Variants in RBFOX3 observed in about 807,000 individuals in gnomAD.
The protein encoded by RBFOX3 is RNA binding fox-1 homolog 3.
In RBFOX3, 17 loss-of-function variants were observed where a neutral mutation model predicts 48.7. That is an observed-to-expected ratio of 0.35 (90% CI 0.24 to 0.52). The LOEUF (loss-of-function observed/expected upper bound fraction) is 0.52, where lower values mean the gene tolerates loss of function less well. Among genes scored for constraint, RBFOX3 ranks in the 20% least tolerant of loss-of-function variants. The pLI is 0.94. For missense variants in RBFOX3, 382 were observed against 497.5 expected (o/e 0.77, Z 2.21); for synonymous variants, 212 against 209.5 (o/e 1.01, Z -0.10).
Position 79,443,370 on chromosome 17 carries a change from A to C in RBFOX3, c.-175+39084T>G, listed in dbSNP as rs2071550102. 6.6e-6 allele frequency among the ~76,000 whole-genome samples: 1 copy of C among 151,432 alleles called. No individual in the cohort carries two copies. Among genetic ancestry groups the C allele is most frequent in the African/African-American group, 2.4e-5 (1 of 41,228 alleles). On this transcript the variant is annotated intron_variant, in intron 2 of 14. Coordinates refer to ENST00000693108, the MANE Select transcript of RBFOX3 (RefSeq NM_001350451.2). This position sits in a 1 kb window ranked among gnomAD's most constrained non-coding sequence, Gnocchi z 4.4. ...CTTAGACACACACAAATGCACACTCACATACACCCTTGCCTCTTTTTTTTT... is the reference window on the plus strand; with the variant it reads ...CTTAGACACACACAAATGCACACTCCCATACACCCTTGCCTCTTTTTTTTT...
intron 2 of RBFOX3, among the ~76,000 whole-genome samples, chr17:79,313,865 C>A (rs1307127857): frequency 6.6e-6 from 1 of 152,228 alleles, no homozygotes; most frequent in Non-Finnish European, 1.5e-5. Context: ...CCCTGCTTGT[C>A]CTCCCACCTC....
intron 4 of RBFOX3, among the ~76,000 whole-genome samples, chr17:79,226,717 C>G (rs2060349856): frequency 6.6e-6 from 1 of 152,218 alleles, no homozygotes. Flanking sequence ...GCAACATCTA[C>G]CTTCCTGGGG....
At chr17:79,165,198 T>C (rs1016054615) in intron 4 of RBFOX3, among the ~76,000 whole-genome samples, 4 of 152,034 alleles carry the variant, frequency 2.6e-5, no homozygotes, top group Non-Finnish European at 5.9e-5. Context: ...GGCTTCCACC[T>C]CCCAGGCTGC....
In RBFOX3 at chr17:79,214,227, G is replaced by A. The variant is rs975405939; in HGVS notation, c.-34+21539C>T. On this transcript the variant is annotated intron_variant, in intron 4 of 14. Transcript: ENST00000693108. This position sits in a 1 kb window ranked among gnomAD's most constrained non-coding sequence, Gnocchi z 4.7. ...TGATAAAGTCGGCCTCTCCAGCAAC[G>A]CACGGAGCTATCTCACTTACAACGT... Among the ~76,000 whole-genome samples, 3 of 152,266 alleles carry A rather than the reference G, an allele frequency of 2.0e-5. No individual in the cohort carries two copies. The highest frequency in any genetic ancestry group is 4.4e-5 in the Non-Finnish European group (3 of 68,026).
At chr17:79,396,447 C>T (rs147015480) in intron 2 of RBFOX3, among the ~76,000 whole-genome samples, 2 of 152,314 alleles carry the variant, frequency 1.3e-5, no homozygotes, top group East Asian at 3.9e-4. Flanking sequence ...CTGAAATAAA[C>T]CTCTGTCTTC....
chr17:79,634,698 C>T, the RBFOX3 span, among the ~76,000 whole-genome samples: 2 of 152,282 alleles, frequency 1.3e-5, no homozygotes, highest in Middle Eastern at 6.8e-3. Context: ...AGTGTCTTGG[C>T]TGCACACAGA....
chr17:79,136,678 G>A (rs1351778879), intron 4 of RBFOX3, among the ~76,000 whole-genome samples: 1 of 152,166 alleles, frequency 6.6e-6, no homozygotes, highest in Non-Finnish European at 1.5e-5. Flanking sequence ...CCGGGAACCT[G>A]CTGATCCTCA....
intron 2 of RBFOX3, among the ~76,000 whole-genome samples, chr17:79,444,709 C>G (rs191554537): frequency 1.3e-3 from 195 of 152,158 alleles, no homozygotes; most frequent in Middle Eastern, 3.4e-3. Context: ...TTGCTCCAAA[C>G]TAAACTGTGG....
chr17:79,206,874 C>T (rs2057572150), intron 4 of RBFOX3, among the ~76,000 whole-genome samples: 1 of 152,200 alleles, frequency 6.6e-6, no homozygotes, highest in South Asian at 2.1e-4. Flanking sequence ...GGAACCACTC[C>T]CCATCTCATT....
chr17:79,662,883 G>A, the RBFOX3 span, among the ~76,000 whole-genome samples: 5 of 152,034 alleles, frequency 3.3e-5, no homozygotes, highest in South Asian at 2.1e-4. Flanking sequence ...CAATCCAGCC[G>A]GCTGTTCACT....
chr17:79,568,542 T>A (rs940979508), intron 1 of RBFOX3, among the ~76,000 whole-genome samples: 11 of 152,112 alleles, frequency 7.2e-5, no homozygotes, highest in Admixed American at 4.6e-4. Flanking sequence ...GTAGGCAAAC[T>A]TCTGCTGGTT....
intron 1 of RBFOX3, among the ~76,000 whole-genome samples, chr17:79,512,942 G>C (rs1247646920): frequency 8.4e-5 from 12 of 143,070 alleles, no homozygotes; most frequent in African/African-American, 2.7e-4. Flanking sequence ...TTACCATCGG[G>C]TACAGCCCCA....
chr17:79,591,442 G>A (rs1031904819), intron 1 of RBFOX3, among the ~76,000 whole-genome samples: 6 of 152,148 alleles, frequency 3.9e-5, no homozygotes, highest in Admixed American at 3.3e-4. Flanking sequence ...GCGCCCATCC[G>A]ATGGACACCA....
intron 1 of RBFOX3, among the ~76,000 whole-genome samples, chr17:79,573,503 A>G (rs2092753499): frequency 6.6e-6 from 1 of 152,238 alleles, no homozygotes; most frequent in Non-Finnish European, 1.5e-5. Flanking sequence ...TGGTCTGCAG[A>G]GGGGCTCCAG....
intron 2 of RBFOX3, among the ~76,000 whole-genome samples, chr17:79,416,332 A>C (rs1198779787): frequency 7.9e-5 from 12 of 152,114 alleles, no homozygotes; most frequent in Admixed American, 7.9e-4. Context: ...GCCCCTGCCA[A>C]ACCAGCCCTT....
At chr17:79,285,536 A>G (rs1435701769) in intron 3 of RBFOX3, among the ~76,000 whole-genome samples, 1 of 152,218 alleles carries the variant, frequency 6.6e-6, no homozygotes, top group Non-Finnish European at 1.5e-5. Context: ...AGATCTGTAA[A>G]CCAATATTGA....
chr17:79,616,763 G>A, the RBFOX3 span, among the ~76,000 whole-genome samples: 1 of 152,186 alleles, frequency 6.6e-6, no homozygotes, highest in Non-Finnish European at 1.5e-5. Context: ...CTGAGGGAAT[G>A]TATGATCAAA....
At chr17:79,600,621 C>T (rs2093684104) in intron 1 of RBFOX3, 1 of 152,214 alleles carries the variant, frequency 6.6e-6, no homozygotes, top group South Asian at 2.1e-4. Context: ...TCTGATGGAG[C>T]TCAGAGTATG....
chr17:79,195,076 G>A lies in RBFOX3; in HGVS notation c.-34+40690C>T, dbSNP rs8067154. ...TCACTATCATCCCCATTGCCTGCGCGGTGCCTGGCCACGGGTAGCCTCTCA... is the reference window on the plus strand; with the variant it reads ...TCACTATCATCCCCATTGCCTGCGCAGTGCCTGGCCACGGGTAGCCTCTCA... On this transcript the variant is annotated intron_variant, in intron 4 of 14. Coordinates refer to ENST00000693108, the MANE Select transcript of RBFOX3 (RefSeq NM_001350451.2). This position sits in a 1 kb window ranked among gnomAD's most constrained non-coding sequence, Gnocchi z 5.3. Among the ~76,000 whole-genome samples the A allele has an allele frequency of 0.3, 45,055 of 151,892 alleles. 7,474 individuals are homozygous for A. The highest frequency in any genetic ancestry group is 0.44 in the African/African-American group (18,015 of 41,402).
Sources: gnomAD v4.1 joint callset for allele counts (sites outside exome capture counted in the v4.1 genomes callset) on GRCh38, gnomAD v4.1.1 for gene constraint, Gnocchi (gnomAD v3.1) non-coding constraint, MANE v1.5 for transcripts, NCBI Gene and HGNC (gene_info 2026-07-23, HGNC 2026-07-21) for gene names.